HDAC5: variants seen among roughly 807,000 people sequenced by gnomAD.
HDAC5 encodes the protein antigen NY-CO-9.
Under a neutral mutation model 133.3 loss-of-function variants are expected in HDAC5, and 25 were observed. That is an observed-to-expected ratio of 0.19 (90% CI 0.14 to 0.26). HDAC5 has a LOEUF of 0.26. Among genes scored for constraint, HDAC5 ranks in the 10% least tolerant of loss-of-function variants. HDAC5 has a pLI of 1.00. For synonymous variants in HDAC5, 589 were observed against 610.8 expected (o/e 0.96, Z 0.53); for missense variants, 1,041 against 1,460.5 (o/e 0.71, Z 4.68).
At chr17:44,103,791 C>G (rs1021871136) in intron 3 of HDAC5, among the ~76,000 whole-genome samples, 1 of 151,398 alleles carries the variant, frequency 6.6e-6, no homozygotes, top group East Asian at 2.0e-4. Flanking sequence ...TCACTGCAAT[C>G]CCTGCCTCCC....
At chr17:44,091,668 G>C in intron 10 of HDAC5, 32 bp downstream of exon 10, 1 of 1,521,936 alleles carries the variant, frequency 6.6e-7, no homozygotes, top group Non-Finnish European at 8.8e-7. Flanking sequence ...CTCAACACCA[G>C]AGGGAAGATG....
Position 44,117,592 on chromosome 17 carries a change from G to C in HDAC5, c.-77C>G. ...GTGGAGCTGCGGTGATGTCAAGAGAGACAGACGATAACAGACAGACGGACG... is the reference window on the plus strand; with the variant it reads ...GTGGAGCTGCGGTGATGTCAAGAGACACAGACGATAACAGACAGACGGACG... On this transcript the variant is annotated 5_prime_UTR_variant, in exon 2 of 27. Transcript: ENST00000682912. This position sits in a 1 kb window ranked among gnomAD's most constrained non-coding sequence, Gnocchi z 4.2. 6.5e-7 allele frequency: 1 copy of C among 1,537,218 alleles called. No individual in the cohort carries two copies. The highest frequency in any genetic ancestry group is 1.7e-5 in the Admixed American group (1 of 59,900).
chr17:44,091,363 G>C lies in HDAC5; in HGVS notation c.1294C>G (p.Leu432Val). ...CCGTGGGGGCTCCCGTCGCCCTCCA[G>C]TGCCACGCCCAGCAGGCAGCCAGGA... is the stretch of plus-strand genomic sequence containing the variant. ...SIPGCLLGVA[L>V]EGDGSPHGHA... is the part of the protein sequence containing the mutation. The change falls in exon 11 of 27, where the codon CTG becomes GTG. Residue 432 changes from leucine (L) to valine (V), a missense_variant. Leu to Val is a conservative substitution (Grantham distance 32). Transcript: ENST00000682912. The C allele has an allele frequency of 3.7e-6, 6 of 1,600,108 alleles. No individual in the cohort carries two copies. Among genetic ancestry groups the C allele is most frequent in the Non-Finnish European group, 5.1e-6 (6 of 1,173,392 alleles).
rs999254540 is a variant in HDAC5 at position 44,079,735 on chromosome 17, A to G, written c.2944+372T>C. On this transcript the variant is annotated intron_variant, in intron 23 of 26. Coordinates refer to ENST00000682912, the MANE Select transcript of HDAC5 (RefSeq NM_005474.5). ...AAATGTGATGGGAGATATAAACCCA[A>G]ATATATCCATAATAAAATACAGCAT... Among the ~76,000 whole-genome samples, 10 of 152,226 alleles carry G rather than the reference A, an allele frequency of 6.6e-5. No homozygotes were observed. In the South Asian group the frequency reaches 8.3e-4, roughly 13 times the overall value.
intron 12 of HDAC5, 127 bp from the exon 13 acceptor site, chr17:44,087,823 AG>A: frequency 8.3e-7 from 1 of 1,199,234 alleles, no homozygotes; most frequent in East Asian, 2.5e-5. Context: ...AATTAGAAAA[AG>A]GTGAGGTAGC....
At chr17:44,094,779 T>C (rs1028270383) in intron 3 of HDAC5, among the ~76,000 whole-genome samples, 4 of 151,858 alleles carry the variant, frequency 2.6e-5, no homozygotes. Flanking sequence ...CACACACACA[T>C]ACATATGTGT....
intron 23 of HDAC5, 36 bp downstream of exon 23, chr17:44,080,071 G>GT (rs771769533): frequency 3.5e-6 from 5 of 1,441,416 alleles, no homozygotes; most frequent in Non-Finnish European, 3.9e-6. Context: ...TATCCTCACT[G>GT]TTTCACTTCC....
chr17:44,089,747 CAAAAAA>C (rs869263828), intron 11 of HDAC5, among the ~76,000 whole-genome samples: 2 of 34,056 alleles, frequency 5.9e-5, no homozygotes, highest in Non-Finnish European at 9.0e-5. Context: ...AACTTCGTCT[CAAAAAA>C]AAAAAAAAAA....
Position 44,091,408 on chromosome 17 carries a change from A to G in HDAC5, c.1249T>C (p.Phe417Leu), listed in dbSNP as rs766837073. 6.4e-7 allele frequency: 1 copy of G among 1,564,412 alleles called. No homozygotes were observed. ...CCAGGAATAGAGGATGTGCTCATGA[A>G]CTTGCCGGTCAGCGTGCCACCCTGC... ...LRQGGTLTGK[F>L]MSTSSIPGCL... is the part of the protein sequence containing the mutation. The change falls in exon 11 of 27, where the codon TTC (phenylalanine) becomes CTC (leucine). Residue 417 changes from phenylalanine to leucine, a missense_variant. By Grantham distance (22) the Phe-to-Leu change is conservative. Coordinates refer to ENST00000682912, the MANE Select transcript of HDAC5 (RefSeq NM_005474.5).
chr17:44,088,282 C>G, intron 12 of HDAC5, 105 bp downstream of exon 12: 1 of 1,462,684 alleles, frequency 6.8e-7, no homozygotes, highest in Non-Finnish European at 9.1e-7. Context: ...CAATCAGGCG[C>G]GAGCCACCGT....
chr17:44,101,081 G>A (rs1407835164), intron 3 of HDAC5, among the ~76,000 whole-genome samples: 4 of 149,746 alleles, frequency 2.7e-5, no homozygotes, highest in Admixed American at 2.0e-4. Context: ...GAGCCACTGC[G>A]CCTGGCCTAA....
intron 9 of HDAC5, 93 bp from the exon 10 acceptor site, chr17:44,091,924 G>A (rs2050971266): frequency 2.1e-6 from 3 of 1,408,000 alleles, no homozygotes; most frequent in South Asian, 2.8e-5. Context: ...GTCTCTGAAT[G>A]GTGCCCAGTT....
intron 3 of HDAC5, among the ~76,000 whole-genome samples, chr17:44,095,676 A>G (rs530149445): frequency 1.7e-4 from 26 of 151,900 alleles, no homozygotes; most frequent in Non-Finnish European, 2.4e-4. Flanking sequence ...CGCTATATAT[A>G]GAGTGAGCCA....
intron 3 of HDAC5, among the ~76,000 whole-genome samples, chr17:44,098,617 G>C (rs2051404599): frequency 6.6e-6 from 1 of 151,040 alleles, no homozygotes; most frequent in Non-Finnish European, 1.5e-5. Context: ...GCGGGCACTT[G>C]TAATCCCAGC....
intron 14 of HDAC5, among the ~76,000 whole-genome samples, 168 bp downstream of exon 14, chr17:44,086,404 C>T (rs916778062): frequency 2.6e-5 from 4 of 152,222 alleles, no homozygotes; most frequent in Non-Finnish European, 4.4e-5. Context: ...AAGGCCCTGC[C>T]GCTACCATGA....
rs758140614 is a variant in HDAC5 at position 44,117,558 on chromosome 17, C to T, written c.-43G>A. 31 of 1,580,922 alleles carry T rather than the reference C, an allele frequency of 2.0e-5. No individual in the cohort carries two copies. The highest frequency in any genetic ancestry group is 1.3e-4 in the South Asian group (12 of 90,438). ...AGGAAGCTGGCGTTGGGGGCTGGGA[C>T]GGGAGGGGGTGGAGCTGCGGTGATG... is the stretch of plus-strand genomic sequence containing the variant. On this transcript the variant is annotated 5_prime_UTR_variant, in exon 2 of 27. Transcript: ENST00000682912. This position sits in a 1 kb window ranked among gnomAD's most constrained non-coding sequence, Gnocchi z 4.2.
rs2143163487 is a variant in HDAC5 at position 44,087,155 on chromosome 17, G to A, written c.1884+257C>T. ...GACGCATGCATACACAGACACACAAGCAGAGAGGCAGGCCAGTATCACAGA... is the reference window on the plus strand; with the variant it reads ...GACGCATGCATACACAGACACACAAACAGAGAGGCAGGCCAGTATCACAGA... On this transcript the variant is annotated intron_variant, in intron 13 of 26. Coordinates refer to ENST00000682912, the MANE Select transcript of HDAC5 (RefSeq NM_005474.5). Among the ~76,000 whole-genome samples, 2 of 151,714 alleles carry A rather than the reference G, an allele frequency of 1.3e-5. 1 individual carries two copies. The highest frequency in any genetic ancestry group is 6.8e-3 in the Middle Eastern group (2 of 294).
At chr17:44,107,502 G>C (rs576750199) in intron 3 of HDAC5, among the ~76,000 whole-genome samples, 1 of 151,876 alleles carries the variant, frequency 6.6e-6, no homozygotes, top group Non-Finnish European at 1.5e-5. Flanking sequence ...CAGCTACTCG[G>C]GAGGCTGAGG....
intron 3 of HDAC5, among the ~76,000 whole-genome samples, chr17:44,109,339 C>T (rs1285930367): frequency 6.6e-6 from 1 of 152,172 alleles, no homozygotes; most frequent in South Asian, 2.1e-4. Context: ...AACCAGCCCT[C>T]TGGGTTTATT....
Sources: allele counts gnomAD v4.1 joint callset (sites outside exome capture counted in the v4.1 genomes callset), GRCh38; gene constraint gnomAD v4.1.1; non-coding constraint Gnocchi (gnomAD v3.1); transcripts MANE v1.5; gene names NCBI Gene and HGNC (gene_info 2026-07-23, HGNC 2026-07-21).